UBASH3B: variants seen among roughly 807,000 people sequenced by gnomAD.
The protein encoded by UBASH3B is ubiquitin-associated and SH3 domain-containing protein B.
UBASH3B carries 37 observed loss-of-function variants against 83.4 expected under a neutral mutation model. The observed-to-expected ratio is 0.44, with a 90% CI of 0.34 to 0.58. UBASH3B has a LOEUF of 0.58. Ranked by LOEUF, UBASH3B falls within the 20% of genes least tolerant of loss-of-function variation. UBASH3B has a pLI of 0.01. For missense variants in UBASH3B, 657 were observed against 827.2 expected (o/e 0.79, Z 2.52); for synonymous variants, 304 against 318.3 (o/e 0.96, Z 0.48).
intron 1 of UBASH3B, among the ~76,000 whole-genome samples, chr11:122,745,382 C>A (rs1479849295): frequency 1.3e-5 from 2 of 152,172 alleles, no homozygotes; most frequent in Non-Finnish European, 2.9e-5. Context: ...GGGTGCTTAC[C>A]ATGTGGCAAC....
At chr11:122,750,532 T>C (rs901191148) in intron 1 of UBASH3B, among the ~76,000 whole-genome samples, 3 of 152,166 alleles carry the variant, frequency 2.0e-5, no homozygotes, top group Non-Finnish European at 4.4e-5. Context: ...AGGAACCAAA[T>C]TCCATCCATC....
intron 1 of UBASH3B, among the ~76,000 whole-genome samples, chr11:122,664,705 A>G (rs1326890654): frequency 6.6e-6 from 1 of 152,174 alleles, no homozygotes; most frequent in African/African-American, 2.4e-5. Context: ...GCCACTTACT[A>G]TCTATGACGG....
intron 1 of UBASH3B, among the ~76,000 whole-genome samples, chr11:122,722,131 A>C (rs1351125063): frequency 6.6e-6 from 1 of 152,228 alleles, no homozygotes; most frequent in South Asian, 2.1e-4. Context: ...CCTGCAGTAG[A>C]CAAGTTGTAT....
intron 1 of UBASH3B, among the ~76,000 whole-genome samples, chr11:122,678,442 T>C (rs1223666009): frequency 2.0e-5 from 3 of 152,068 alleles, no homozygotes; most frequent in South Asian, 2.1e-4. Context: ...AATAAGAAAA[T>C]AGAAACCATA....
At chr11:122,742,430 G>A (rs888481322) in intron 1 of UBASH3B, among the ~76,000 whole-genome samples, 3 of 152,098 alleles carry the variant, frequency 2.0e-5, no homozygotes, top group Admixed American at 6.5e-5. Flanking sequence ...TATGGGTCCC[G>A]GCTGTTAAAT....
Position 122,778,554 on chromosome 11 carries a change from ATTTTT to A in UBASH3B, c.403-932_403-928del, listed in dbSNP as rs56698309. 2.3e-3 allele frequency among the ~76,000 whole-genome samples: 291 copies of A among 127,188 alleles called. 3 individuals carry two copies. Among genetic ancestry groups the A allele is most frequent in the African/African-American group, 8.3e-3 (285 of 34,260 alleles). 83.4% of individuals were successfully genotyped at this position (127,188 alleles called of 152,430 possible). A position where few individuals can be genotyped will look rare whatever the true frequency, so the allele number is the denominator to read the frequency against. On this transcript the variant is annotated intron_variant, in intron 3 of 13. Coordinates refer to ENST00000284273, the MANE Select transcript of UBASH3B (RefSeq NM_032873.5). ...GCACTCTCTCCTGTCACATTCCTTC[ATTTTT>A]TTTTTTTTTTCACAAGCAAGGAGAA...
intron 1 of UBASH3B, among the ~76,000 whole-genome samples, chr11:122,749,197 A>G (rs1861164864): frequency 6.6e-6 from 1 of 152,254 alleles, no homozygotes; most frequent in African/African-American, 2.4e-5. Flanking sequence ...ATACAGCTGA[A>G]TCATGTACTG....
intron 6 of UBASH3B, among the ~76,000 whole-genome samples, chr11:122,790,639 G>T (rs564057806): frequency 2.6e-5 from 4 of 152,032 alleles, no homozygotes; most frequent in Non-Finnish European, 5.9e-5. Context: ...TGTTTTATCA[G>T]ATCTCTTTCT....
At chr11:122,674,783 C>T in intron 1 of UBASH3B, among the ~76,000 whole-genome samples, 1 of 140,080 alleles carries the variant, frequency 7.1e-6, no homozygotes, top group Non-Finnish European at 1.5e-5. Flanking sequence ...GGCTGGAGTG[C>T]AGTGGCACAA....
At chr11:122,752,976 C>G (rs1227766466) in intron 1 of UBASH3B, among the ~76,000 whole-genome samples, 1 of 152,082 alleles carries the variant, frequency 6.6e-6, no homozygotes, top group Non-Finnish European at 1.5e-5. Context: ...TGTTTGGAAC[C>G]CGTGCTAGAA....
chr11:122,729,815 A>AC (rs1259448771), intron 1 of UBASH3B, among the ~76,000 whole-genome samples: 4 of 145,638 alleles, frequency 2.7e-5, no homozygotes, highest in African/African-American at 7.9e-5. Flanking sequence ...AAAAAAAAAA[A>AC]AAAACCCTAA....
chr11:122,769,770 C>T (rs1207134952), intron 1 of UBASH3B, among the ~76,000 whole-genome samples: 1 of 152,214 alleles, frequency 6.6e-6, no homozygotes, highest in Non-Finnish European at 1.5e-5. Flanking sequence ...GACTCTTCAA[C>T]CAGGGAAAAG....
At chr11:122,701,505 G>A (rs960311144) in intron 1 of UBASH3B, among the ~76,000 whole-genome samples, 9 of 152,060 alleles carry the variant, frequency 5.9e-5, no homozygotes, top group African/African-American at 1.4e-4. Context: ...AGTTTCCAAC[G>A]TCTGTGTACT....
At chr11:122,767,750 C>T (rs1248052259) in intron 1 of UBASH3B, among the ~76,000 whole-genome samples, 5 of 152,152 alleles carry the variant, frequency 3.3e-5, no homozygotes, top group Non-Finnish European at 7.3e-5. Flanking sequence ...TCTGACTGTG[C>T]AGTCAGGTCT....
At chr11:122,695,657 G>A (rs1863956807) in intron 1 of UBASH3B, among the ~76,000 whole-genome samples, 1 of 151,650 alleles carries the variant, frequency 6.6e-6, no homozygotes, top group African/African-American at 2.4e-5. Context: ...CGTGTTTTAT[G>A]CATTGTGATC....
chr11:122,686,864 TA>T (rs1022979922), intron 1 of UBASH3B, among the ~76,000 whole-genome samples: 3 of 148,394 alleles, frequency 2.0e-5, no homozygotes, highest in Admixed American at 1.3e-4. Flanking sequence ...AAAATGAAGG[TA>T]TTTTTTTTTT....
intron 1 of UBASH3B, among the ~76,000 whole-genome samples, chr11:122,656,722 G>C (rs1177708677): frequency 6.6e-6 from 1 of 152,216 alleles, no homozygotes; most frequent in Non-Finnish European, 1.5e-5. Context: ...TCGCTCTCGG[G>C]TTCGGTCTCC....
chr11:122,781,429 A>G (rs915658690), intron 4 of UBASH3B, among the ~76,000 whole-genome samples: 1 of 152,244 alleles, frequency 6.6e-6, no homozygotes, highest in African/African-American at 2.4e-5. Flanking sequence ...CACAAATGAG[A>G]AAAGCAAGCC....
chr11:122,784,135 T>C (rs946364794), intron 5 of UBASH3B, among the ~76,000 whole-genome samples: 1 of 152,008 alleles, frequency 6.6e-6, no homozygotes, highest in African/African-American at 2.4e-5. Context: ...AGTGCCGGGG[T>C]TTCACTGTGT....
Sources: allele counts gnomAD v4.1 joint callset (sites outside exome capture counted in the v4.1 genomes callset), GRCh38; gene constraint gnomAD v4.1.1; transcripts MANE v1.5; gene names NCBI Gene and HGNC (gene_info 2026-07-23, HGNC 2026-07-21).